NAALADL2: variants seen among roughly 807,000 people sequenced by gnomAD.
NAALADL2 encodes N-acetylated alpha-linked acidic dipeptidase like 2, also known as inactive N-acetylated-alpha-linked acidic dipeptidase-like protein 2.
NAALADL2 carries 76 observed loss-of-function variants against 87.2 expected under a neutral mutation model. The ratio of observed to expected loss-of-function variants is 0.87; its 90% CI spans 0.72 to 1.05. The LOEUF (loss-of-function observed/expected upper bound fraction) is 1.05. Among genes scored for constraint, NAALADL2 ranks in the 50% least tolerant of loss-of-function variants. The pLI, the probability that NAALADL2 is intolerant of heterozygous loss-of-function variation, is 0.00. For missense variants in NAALADL2, 1,089 were observed against 945.8 expected (o/e 1.15, Z -1.99); for synonymous variants, 354 against 331.0 (o/e 1.07, Z -0.75).
chr3:175,504,740 C>T (rs1481855711), intron 9 of NAALADL2, among the ~76,000 whole-genome samples: 3 of 152,018 alleles, frequency 2.0e-5, no homozygotes, highest in Non-Finnish European at 2.9e-5. Context: ...TTTGTTATGG[C>T]GTCCAAGCTA....
intron 5 of NAALADL2, among the ~76,000 whole-genome samples, chr3:175,389,569 C>G (rs1768829932): frequency 6.6e-6 from 1 of 152,094 alleles, no homozygotes; most frequent in Admixed American, 6.6e-5. Flanking sequence ...TGAGGAGAAA[C>G]ATTAGTAAAT....
intron 9 of NAALADL2, among the ~76,000 whole-genome samples, chr3:175,544,077 G>A (rs1712855165): frequency 6.6e-6 from 1 of 152,120 alleles, no homozygotes; most frequent in Admixed American, 6.6e-5. Flanking sequence ...AAGGGTAGGA[G>A]GACAGGGCTC....
At chr3:175,343,678 C>CTTTTTTTTTTTTTTTTTT (rs1581505068) in intron 5 of NAALADL2, among the ~76,000 whole-genome samples, 1 of 49,148 alleles carries the variant, frequency 2.0e-5, no homozygotes, top group East Asian at 1.4e-3. Flanking sequence ...TTTTTTTTTC[C>CTTTTTTTTTTTTTTTTTT]CTTCCCACTG....
At chr3:174,743,763 GTAA>G (rs1241201125) in intron 3 of NAALADL2, among the ~76,000 whole-genome samples, 1 of 151,670 alleles carries the variant, frequency 6.6e-6, no homozygotes, top group Non-Finnish European at 1.5e-5. Context: ...TCTACAGCCA[GTAA>G]TAATAATAAC....
intron 2 of NAALADL2, among the ~76,000 whole-genome samples, chr3:174,641,665 A>AT (rs1723199997): frequency 6.6e-6 from 1 of 152,222 alleles, no homozygotes; most frequent in Non-Finnish European, 1.5e-5. Flanking sequence ...AAGTACTGGG[A>AT]GTCAACTAGA....
intron 1 of NAALADL2, among the ~76,000 whole-genome samples, chr3:175,092,690 C>T (rs1297220307): frequency 6.6e-6 from 1 of 151,798 alleles, no homozygotes; most frequent in Non-Finnish European, 1.5e-5. Flanking sequence ...TATTATTAAT[C>T]TAAGTCTGTC....
At chr3:175,467,386 A>G (rs941542857) in intron 8 of NAALADL2, among the ~76,000 whole-genome samples, 1 of 152,106 alleles carries the variant, frequency 6.6e-6, no homozygotes, top group African/African-American at 2.4e-5. Flanking sequence ...CAAATATCTT[A>G]CCCCTATTGT....
intron 2 of NAALADL2, among the ~76,000 whole-genome samples, chr3:175,206,092 C>T (rs1453842882): frequency 6.6e-6 from 1 of 151,514 alleles, no homozygotes; most frequent in Admixed American, 6.6e-5. Flanking sequence ...AATCCCACTA[C>T]TAAGTATCTA....
intron 9 of NAALADL2, among the ~76,000 whole-genome samples, chr3:175,570,046 T>G (rs1717811715): frequency 6.6e-6 from 1 of 152,210 alleles, no homozygotes; most frequent in African/African-American, 2.4e-5. Flanking sequence ...AGTGTAGTGC[T>G]TGTCTGAATT....
intron 1 of NAALADL2, among the ~76,000 whole-genome samples, chr3:174,901,075 G>T (rs2108256962): frequency 6.6e-6 from 1 of 152,178 alleles, no homozygotes; most frequent in East Asian, 1.9e-4. Context: ...AAACTAATTT[G>T]ACCATTTTAT....
chr3:175,638,430 A>G (rs1402962502), intron 11 of NAALADL2, among the ~76,000 whole-genome samples: 1 of 152,186 alleles, frequency 6.6e-6, no homozygotes, highest in African/African-American at 2.4e-5. Flanking sequence ...GGCCCTAGGG[A>G]CAACCATGCT....
At chr3:174,596,665 T>C (rs1272313447) in intron 2 of NAALADL2, among the ~76,000 whole-genome samples, 1 of 152,202 alleles carries the variant, frequency 6.6e-6, no homozygotes, top group East Asian at 1.9e-4. Context: ...CCTTAACTGG[T>C]AGCTTGGTCT....
At chr3:174,655,947 A>G (rs1724873647) in intron 2 of NAALADL2, among the ~76,000 whole-genome samples, 1 of 152,224 alleles carries the variant, frequency 6.6e-6, no homozygotes, top group African/African-American at 2.4e-5. Flanking sequence ...TTACCGGTGG[A>G]TACATAAACT....
At chr3:174,664,539 T>C (rs1725791736) in intron 2 of NAALADL2, among the ~76,000 whole-genome samples, 1 of 152,210 alleles carries the variant, frequency 6.6e-6, no homozygotes, top group South Asian at 2.1e-4. Flanking sequence ...TTTCATTCTT[T>C]GACATTGTAT....
At chr3:175,301,177 T>C (rs924486515) in intron 4 of NAALADL2, among the ~76,000 whole-genome samples, 26 of 152,198 alleles carry the variant, frequency 1.7e-4, no homozygotes, top group Non-Finnish European at 1.6e-4. Flanking sequence ...TCTAGTTCTT[T>C]ATATCTTTCC....
intron 2 of NAALADL2, among the ~76,000 whole-genome samples, chr3:174,569,280 A>C (rs957840293): frequency 2.0e-5 from 3 of 151,974 alleles, no homozygotes; most frequent in Admixed American, 2.0e-4. Context: ...CGATCCAAGG[A>C]CATTATTAAA....
rs557914198 is a variant in NAALADL2, at chr3:175,713,887, C to A, written c.1897-23419C>A. 1.3e-4 allele frequency among the ~76,000 whole-genome samples: 20 copies of A among 152,154 alleles called. No homozygotes were observed. The South Asian group carries it at 1.5e-3, about 11-fold the overall frequency. On this transcript the variant is annotated intron_variant, in intron 11 of 13. Transcript: ENST00000454872. ...TAATGCTACCCCTTCTCTAGCCCCC[C>A]ACTCCCCAATAGGCCCTGGTGTGTG...
chr3:174,509,702 A>G (rs1719473283), intron 1 of NAALADL2, among the ~76,000 whole-genome samples: 1 of 149,522 alleles, frequency 6.7e-6, no homozygotes, highest in African/African-American at 2.5e-5. Context: ...CTGGGATTAC[A>G]GGCGTGAGCC....
chr3:175,537,109 A>G (rs972573841), intron 9 of NAALADL2, among the ~76,000 whole-genome samples: 1 of 152,250 alleles, frequency 6.6e-6, no homozygotes, highest in Non-Finnish European at 1.5e-5. Flanking sequence ...CACTATTATT[A>G]TCCTTTTAGA....
Sources: allele counts gnomAD v4.1 joint callset (sites outside exome capture counted in the v4.1 genomes callset), GRCh38; gene constraint gnomAD v4.1.1; transcripts MANE v1.5; gene names NCBI Gene and HGNC (gene_info 2026-07-23, HGNC 2026-07-21).